Variants in ACYP2 observed in about 807,000 individuals in gnomAD.
ACYP2 encodes acylphosphatase-2.
In ACYP2, 12 loss-of-function variants were observed where a neutral mutation model predicts 11.2. The observed-to-expected ratio is 1.08, with a 90% confidence interval of 0.69 to 1.74. ACYP2 has a LOEUF of 1.74. Ranked by LOEUF, ACYP2 falls within the 40% of genes most tolerant of loss-of-function variation. The probability of loss-of-function intolerance (pLI) is 0.00; values close to 1 mark genes in which losing one functional copy is unlikely to be tolerated. For synonymous variants in ACYP2, 43 were observed against 32.2 expected, an observed-to-expected ratio of 1.33 and a Z score of -1.13; for missense variants, 134 against 101.9, an observed-to-expected ratio of 1.31 and a Z score of -1.35.
At chr2:54,283,808 C>T (rs1044126020) in intron 6 of ACYP2, among the ~76,000 whole-genome samples, 6 of 152,328 alleles carry the variant, frequency 3.9e-5, no homozygotes, top group African/African-American at 9.6e-5. Context: ...AGACACTGAT[C>T]TATTAACATT....
At chr2:54,089,519 G>A (rs1228230713) in intron 4 of ACYP2, among the ~76,000 whole-genome samples, 1 of 152,064 alleles carries the variant, frequency 6.6e-6, no homozygotes, top group East Asian at 1.9e-4. Context: ...GGCTGAGGCA[G>A]GAAGATTGAG....
chr2:54,219,881 G>GTGTGTA (rs1222539416), intron 6 of ACYP2, among the ~76,000 whole-genome samples: 1,481 of 99,230 alleles, frequency 0.015, 97 homozygotes, highest in East Asian at 0.083. Flanking sequence ...GTGTGTGTGT[G>GTGTGTA]TATATATATA....
chr2:54,220,100 A>G (rs532007779), intron 6 of ACYP2, among the ~76,000 whole-genome samples: 1 of 151,600 alleles, frequency 6.6e-6, no homozygotes, highest in South Asian at 2.1e-4. Flanking sequence ...CCTAAAACAG[A>G]TATTTGATAT....
chr2:54,008,432 A>G (rs1001207595), intron 2 of ACYP2, among the ~76,000 whole-genome samples: 15 of 152,320 alleles, frequency 9.8e-5, no homozygotes, highest in African/African-American at 3.6e-4. Flanking sequence ...TGGCCAGGAA[A>G]AGAGCAAATA....
intron 6 of ACYP2, chr2:54,253,399 T>C (rs1008230230): frequency 3.9e-5 from 6 of 152,216 alleles, no homozygotes; most frequent in Non-Finnish European, 8.8e-5. Context: ...AGAAAATCTG[T>C]ACAGCTGAAT....
At chr2:54,171,317 A>T (rs1287594328) in intron 6 of ACYP2, among the ~76,000 whole-genome samples, 1 of 152,122 alleles carries the variant, frequency 6.6e-6, no homozygotes, top group African/African-American at 2.4e-5. Flanking sequence ...TTTCCTCCCC[A>T]TACTGAAGAT....
At chr2:54,113,161 C>T (rs1421153110) in intron 4 of ACYP2, among the ~76,000 whole-genome samples, 1 of 151,760 alleles carries the variant, frequency 6.6e-6, no homozygotes, top group African/African-American at 2.4e-5. Context: ...ATACCTAATG[C>T]GATGTAAATG....
At chr2:54,236,553 ATTTGT>A (rs1686487335) in intron 6 of ACYP2, among the ~76,000 whole-genome samples, 1 of 152,052 alleles carries the variant, frequency 6.6e-6, no homozygotes, top group African/African-American at 2.4e-5. Flanking sequence ...TGGTAAAATA[ATTTGT>A]TTTGTATAAA....
Position 54,267,900 on chromosome 2 carries a change from A to G in ACYP2, c.405-36788A>G, listed in dbSNP as rs142868090. Reference sequence around the variant, plus strand: ...TAAAATAGATTTGAAATATTGTGCTATTTGGGAATTGGGGCCTATTCATGC... The same window carrying G: ...TAAAATAGATTTGAAATATTGTGCTGTTTGGGAATTGGGGCCTATTCATGC... On this transcript the variant is annotated intron_variant, in intron 6 of 6. Coordinates refer to ENST00000607452, the MANE Select transcript of ACYP2 (RefSeq NM_001320586.2). Among the ~76,000 whole-genome samples, 659 of 152,306 alleles carry G rather than the reference A, an allele frequency of 4.3e-3. 6 individuals are homozygous for G. Among genetic ancestry groups the G allele is most frequent in the African/African-American group, 0.015 (630 of 41,564 alleles).
intron 6 of ACYP2, among the ~76,000 whole-genome samples, chr2:54,219,903 A>ATTTTTTT (rs1240349827): frequency 1.3e-4 from 13 of 100,448 alleles, no homozygotes; most frequent in Non-Finnish European, 2.4e-4. Flanking sequence ...ATATATATAT[A>ATTTTTTT]TATTTTTTTT....
intron 6 of ACYP2, among the ~76,000 whole-genome samples, chr2:54,279,958 C>T (rs1688772738): frequency 6.6e-6 from 1 of 152,116 alleles, no homozygotes; most frequent in Non-Finnish European, 1.5e-5. Context: ...TATCTTCTTC[C>T]ATGCCCATTT....
At chr2:54,279,185 A>G (rs1688739913) in intron 6 of ACYP2, among the ~76,000 whole-genome samples, 1 of 152,244 alleles carries the variant, frequency 6.6e-6, no homozygotes, top group Non-Finnish European at 1.5e-5. Flanking sequence ...GTCATCGTGG[A>G]GATCGTTTAG....
At chr2:53,976,092 C>A (rs1671471132) in intron 2 of ACYP2, among the ~76,000 whole-genome samples, 1 of 152,114 alleles carries the variant, frequency 6.6e-6, no homozygotes, top group African/African-American at 2.4e-5. Flanking sequence ...TAGCAGTGAA[C>A]AAAAAATGAC....
At chr2:54,211,982 T>C (rs1386610815) in intron 6 of ACYP2, among the ~76,000 whole-genome samples, 2 of 152,154 alleles carry the variant, frequency 1.3e-5, no homozygotes, top group Non-Finnish European at 2.9e-5. Flanking sequence ...CAGGGGCTGA[T>C]TGTAAGCTCC....
chr2:54,162,586 T>C (rs1054468582), intron 6 of ACYP2, among the ~76,000 whole-genome samples: 8 of 151,782 alleles, frequency 5.3e-5, no homozygotes, highest in Non-Finnish European at 1.2e-4. Context: ...TCAGAAACCC[T>C]GGGGATGGGG....
intron 4 of ACYP2, among the ~76,000 whole-genome samples, chr2:54,095,643 G>A (rs191759785): frequency 2.1e-5 from 3 of 144,040 alleles, no homozygotes; most frequent in Non-Finnish European, 3.0e-5. Flanking sequence ...CAGATGGGGC[G>A]GCTGGCCGCG....
At chr2:53,994,350 A>C (rs1237736951) in intron 2 of ACYP2, among the ~76,000 whole-genome samples, 3 of 149,096 alleles carry the variant, frequency 2.0e-5, no homozygotes, top group South Asian at 4.3e-4. Flanking sequence ...AAAAAAAAAA[A>C]AACGAAAAAA....
chr2:54,158,553 A>C (rs2103823695), intron 6 of ACYP2, among the ~76,000 whole-genome samples: 1 of 152,148 alleles, frequency 6.6e-6, no homozygotes, highest in Non-Finnish European at 1.5e-5. Context: ...TAACCAATAA[A>C]ATACTGTGCC....
At position 54,199,389 on chromosome 2, in the gene ACYP2, A is replaced by G. The variant is rs1684656724; in HGVS notation, c.404+60641A>G. Among the ~76,000 whole-genome samples, 3 of 152,170 alleles carry G rather than the reference A, an allele frequency of 2.0e-5. No individual in the cohort carries two copies. The South Asian group carries it at 6.2e-4, about 32-fold the overall frequency. On this transcript the variant is annotated intron_variant, in intron 6 of 6. Coordinates refer to ENST00000607452, the MANE Select transcript of ACYP2 (RefSeq NM_001320586.2). ...TCAGATTTCACTTGCCCAAGATCAA[A>G]GATTATTAAGATTTTCAGGATGGTG...
Sources: allele counts gnomAD v4.1 joint callset (sites outside exome capture counted in the v4.1 genomes callset), GRCh38; gene constraint gnomAD v4.1.1; transcripts MANE v1.5; gene names NCBI Gene and HGNC (gene_info 2026-07-23, HGNC 2026-07-21).